The following LRFN5 variants were observed in gnomAD, a reference collection of about 807,000 sequenced individuals.
LRFN5 encodes leucine rich repeat and fibronectin type III domain containing 5.
LRFN5 carries 24 observed loss-of-function variants against 45.6 expected under a neutral mutation model. The observed-to-expected ratio is 0.53, with a 90% CI of 0.38 to 0.74. The LOEUF is 0.74. Ranked by LOEUF, LRFN5 falls within the 30% of genes least tolerant of loss-of-function variation. LRFN5 has a pLI of 0.00. For missense variants in LRFN5, 776 were observed against 861.5 expected (o/e 0.90, Z 1.24); for synonymous variants, 340 against 313.8 (o/e 1.08, Z -0.88).
intron 1 of LRFN5, among the ~76,000 whole-genome samples, chr14:41,750,128 A>G (rs1404283181): frequency 6.6e-6 from 1 of 151,820 alleles, no homozygotes; most frequent in Non-Finnish European, 1.5e-5. Flanking sequence ...AATTGTGTGT[A>G]AGTAATTTTA....
At chr14:41,846,515 C>T (rs1473408279) in intron 2 of LRFN5, among the ~76,000 whole-genome samples, 1 of 152,104 alleles carries the variant, frequency 6.6e-6, no homozygotes, top group African/African-American at 2.4e-5. Context: ...ATTCCATATA[C>T]ATACCATTCA....
intron 1 of LRFN5, among the ~76,000 whole-genome samples, chr14:41,653,483 A>G (rs1382749900): frequency 6.6e-6 from 1 of 152,160 alleles, no homozygotes; most frequent in Non-Finnish European, 1.5e-5. Flanking sequence ...TTATAAGCCA[A>G]CATGCAGTTT....
chr14:41,794,661 T>C (rs1887055125), intron 2 of LRFN5, among the ~76,000 whole-genome samples: 1 of 152,058 alleles, frequency 6.6e-6, no homozygotes, highest in Non-Finnish European at 1.5e-5. Flanking sequence ...GGTACCTTTC[T>C]TGAGATGATT....
At chr14:41,869,891 G>T (rs1889962105) in intron 2 of LRFN5, among the ~76,000 whole-genome samples, 1 of 152,056 alleles carries the variant, frequency 6.6e-6, no homozygotes, top group Non-Finnish European at 1.5e-5. Context: ...ATGAGATTTG[G>T]GTGGGGACAC....
chr14:41,655,647 G>A (rs905295452), intron 1 of LRFN5, among the ~76,000 whole-genome samples: 2 of 151,908 alleles, frequency 1.3e-5, no homozygotes, highest in East Asian at 1.9e-4. Context: ...AGGCTTAAGG[G>A]GACCTGCTTA....
At chr14:41,823,248 AT>A (rs141824912) in intron 2 of LRFN5, among the ~76,000 whole-genome samples, 2,086 of 150,992 alleles carry the variant, frequency 0.014, 42 homozygotes, top group African/African-American at 0.046. Flanking sequence ...TTCTACTTTC[AT>A]TTTTTTTTAT....
In LRFN5 at chr14:41,887,492, T is replaced by A. The variant is rs761183050; in HGVS notation, c.867T>A (p.Ile289=). The stretch of plus-strand genomic sequence containing the variant: ...AGTTTTTGTGTGAGCCTCCTCTCAT[T>A]ACTCGTCATACACATGAGATGAGAG... The part of the protein sequence containing the change: ...EEEFLCEPPL[I]TRHTHEMRVL... The change falls in exon 3 of 6, where the codon ATT becomes ATA. Residue 289 remains isoleucine, a synonymous_variant. Transcript: ENST00000298119. The surrounding 1 kb of genome is among the most constrained non-coding windows in gnomAD (Gnocchi z 4.8). 2 of 1,614,152 alleles carry A rather than the reference T, an allele frequency of 1.2e-6. No individual in the cohort carries two copies. The highest frequency in any genetic ancestry group is 1.7e-6 in the Non-Finnish European group (2 of 1,180,016).
intron 2 of LRFN5, among the ~76,000 whole-genome samples, chr14:41,775,555 CAAAT>C (rs1412265601): frequency 1.3e-5 from 2 of 152,100 alleles, no homozygotes; most frequent in East Asian, 1.9e-4. Context: ...ATCTGGAAAA[CAAAT>C]AACCTTTTCA....
intron 1 of LRFN5, among the ~76,000 whole-genome samples, chr14:41,668,223 A>G (rs1880998578): frequency 6.6e-6 from 1 of 152,194 alleles, no homozygotes; most frequent in Non-Finnish European, 1.5e-5. Context: ...AAACTATTTG[A>G]TTATTTTCAC....
At chr14:41,845,526 G>T (rs896373262) in intron 2 of LRFN5, among the ~76,000 whole-genome samples, 1 of 151,806 alleles carries the variant, frequency 6.6e-6, no homozygotes, top group East Asian at 1.9e-4. Context: ...CTTTGTTCTT[G>T]TTTTTCTCTG....
In LRFN5 at chr14:41,671,622, T is replaced by TTTTTTTTTTG. The variant is rs1555352983; in HGVS notation, c.-197+63069_-197+63070insGTTTTTTTTT. 4.3e-4 allele frequency among the ~76,000 whole-genome samples: 59 copies of TTTTTTTTTTG among 137,104 alleles called. 6 individuals carry two copies. Among genetic ancestry groups the TTTTTTTTTTG allele is most frequent in the African/African-American group, 1.7e-3 (59 of 35,230 alleles). The allele number at this position is 137,104 out of a possible 152,430, so 89.9% of individuals were successfully genotyped here. On this transcript the variant is annotated intron_variant, in intron 1 of 5. Coordinates refer to ENST00000298119, the MANE Select transcript of LRFN5 (RefSeq NM_152447.5). ...AGGAGAGATTTTTTTTTTTCGTTTT[T>TTTTTTTTTTG]TTTTTTTTTTTTTTTACGGAGTTTC...
chr14:41,901,515 C>T (rs1891101554), intron 5 of LRFN5, among the ~76,000 whole-genome samples: 1 of 151,230 alleles, frequency 6.6e-6, no homozygotes, highest in African/African-American at 2.4e-5. Flanking sequence ...TTGCACAGGC[C>T]TTTAAGATAA....
At chr14:41,710,764 C>A (rs1000987112) in intron 1 of LRFN5, among the ~76,000 whole-genome samples, 1 of 151,894 alleles carries the variant, frequency 6.6e-6, no homozygotes, top group Non-Finnish European at 1.5e-5. Flanking sequence ...TGTTATCCCT[C>A]CCCCGTCCCC....
intron 2 of LRFN5, among the ~76,000 whole-genome samples, chr14:41,800,777 GA>G (rs59272538): frequency 0.24 from 35,067 of 146,250 alleles, 4,440 homozygotes; most frequent in African/African-American, 0.34. Context: ...TTACCCTGGA[GA>G]AAAAAAAAAC....
intron 1 of LRFN5, among the ~76,000 whole-genome samples, chr14:41,708,292 T>C (rs926524988): frequency 3.6e-4 from 55 of 151,990 alleles, no homozygotes; most frequent in African/African-American, 1.3e-3. Flanking sequence ...CTTCAATAAT[T>C]ATCACCAAAT....
intron 1 of LRFN5, among the ~76,000 whole-genome samples, chr14:41,687,836 G>T (rs1882190074): frequency 6.6e-6 from 1 of 152,226 alleles, no homozygotes; most frequent in African/African-American, 2.4e-5. Flanking sequence ...TTTGAACAGA[G>T]GGAACTTAGA....
intron 1 of LRFN5, among the ~76,000 whole-genome samples, chr14:41,703,148 T>A (rs1566628210): frequency 1.3e-5 from 2 of 152,206 alleles, no homozygotes; most frequent in Non-Finnish European, 1.5e-5. Flanking sequence ...AAATGGAATA[T>A]CGTTGTTTAG....
intron 2 of LRFN5, among the ~76,000 whole-genome samples, chr14:41,876,277 CTTTTTT>C (rs34291427): frequency 9.9e-6 from 1 of 100,600 alleles, no homozygotes; most frequent in African/African-American, 3.8e-5. Flanking sequence ...CTTTTTCTTT[CTTTTTT>C]TTTTTTTTTT....
intron 1 of LRFN5, among the ~76,000 whole-genome samples, chr14:41,621,831 G>A (rs146333572): frequency 2.0e-5 from 3 of 152,106 alleles, no homozygotes; most frequent in African/African-American, 7.2e-5. Context: ...TGTCTCCATC[G>A]GTTCCTTTCT....
Sources: allele counts gnomAD v4.1 joint callset (sites outside exome capture counted in the v4.1 genomes callset), GRCh38; gene constraint gnomAD v4.1.1; non-coding constraint Gnocchi (gnomAD v3.1); transcripts MANE v1.5; gene names NCBI Gene and HGNC (gene_info 2026-07-23, HGNC 2026-07-21).